The following EGFR variants were observed in gnomAD, a reference collection of about 807,000 sequenced individuals.
The protein encoded by EGFR is epidermal growth factor receptor.
A neutral mutation model predicts 143.0 loss-of-function variants in EGFR; 58 were observed. The ratio of observed to expected loss-of-function variants is 0.41; its 90% CI spans 0.33 to 0.50. The LOEUF is 0.50. Ranked by LOEUF, EGFR falls within the 20% of genes least tolerant of loss-of-function variation. The pLI, the probability that EGFR is intolerant of heterozygous loss-of-function variation, is 0.39. For synonymous variants in EGFR, 613 were observed against 594.4 expected (o/e 1.03, Z -0.45); for missense variants, 1,307 against 1,579.0 (o/e 0.83, Z 2.92).
At chr7:55,031,062 G>A (rs999849014) in intron 1 of EGFR, among the ~76,000 whole-genome samples, 2 of 152,142 alleles carry the variant, frequency 1.3e-5, no homozygotes, top group Non-Finnish European at 2.9e-5. Flanking sequence ...TCAGTACTCT[G>A]GCAGAAATTT....
intron 1 of EGFR, among the ~76,000 whole-genome samples, chr7:55,107,713 A>C (rs148160152): frequency 6.6e-6 from 1 of 152,356 alleles, no homozygotes; most frequent in East Asian, 1.9e-4. Context: ...GGACAGAACA[A>C]TATTTGCATT....
At chr7:55,048,520 G>A (rs946761321) in intron 1 of EGFR, among the ~76,000 whole-genome samples, 8 of 152,138 alleles carry the variant, frequency 5.3e-5, no homozygotes, top group East Asian at 1.9e-4. Context: ...TCTGCTTTTC[G>A]GTTAATAGAC....
chr7:55,151,893 CA>C lies in EGFR; in HGVS notation c.628+533del, dbSNP rs1281943763. Among the ~76,000 whole-genome samples the C allele has an allele frequency of 1.0e-3, 153 of 152,258 alleles. 3 individuals carry two copies. The Middle Eastern group carries it at 0.01, about 10-fold the overall frequency. ...CGTCTCAAAACAACAACAACAACAA[CA>C]ACAACAATAAGTGAACATCAGCAAG... On this transcript the variant is annotated intron_variant, in intron 5 of 27. Transcript: ENST00000275493.
At chr7:55,130,599 T>A (rs1490718200) in intron 1 of EGFR, among the ~76,000 whole-genome samples, 1 of 152,038 alleles carries the variant, frequency 6.6e-6, no homozygotes, top group African/African-American at 2.4e-5. Flanking sequence ...TTCAGTTGAG[T>A]AGGAAGTGAG....
rs79499564 is a variant in EGFR, at chr7:55,173,198, C to T, written c.2061+74C>T. 7,200 of 1,583,144 alleles carry T rather than the reference C, an allele frequency of 4.5e-3. 16 individuals carry two copies. The highest frequency in any genetic ancestry group is 5.7e-3 in the Non-Finnish European group (6,596 of 1,166,640). ...AACAAGGGCCAGCCCCGAGAACGGG[C>T]CATTAGCAGTTGTGTATGTTAGATA... On this transcript the variant is annotated intron_variant, in intron 17 of 27. Transcript: ENST00000275493.
chr7:55,151,172 C>A, intron 4 of EGFR, 122 bp from the exon 5 acceptor site: 1 of 995,130 alleles, frequency 1.0e-6, no homozygotes, highest in Non-Finnish European at 1.6e-6. Context: ...GCCAAACAAT[C>A]AGAGAATAAG....
intron 1 of EGFR, among the ~76,000 whole-genome samples, chr7:55,059,885 G>A (rs1350370015): frequency 6.6e-6 from 1 of 152,082 alleles, no homozygotes; most frequent in Non-Finnish European, 1.5e-5. Context: ...AGCAGATACT[G>A]GACATGTTCT....
chr7:55,172,305 C>T (rs776530473), intron 16 of EGFR, among the ~76,000 whole-genome samples: 5 of 152,232 alleles, frequency 3.3e-5, no homozygotes, highest in Non-Finnish European at 7.3e-5. Flanking sequence ...TGAGCTGGCA[C>T]ATGTGGCTTC....
chr7:55,093,789 A>G (rs1052501304), intron 1 of EGFR, among the ~76,000 whole-genome samples: 2 of 152,196 alleles, frequency 1.3e-5, no homozygotes, highest in Non-Finnish European at 2.9e-5. Context: ...CTAGTCTGTG[A>G]TCCGAGGTCT....
chr7:55,112,467 C>G (rs1173457923), intron 1 of EGFR, among the ~76,000 whole-genome samples: 2 of 152,234 alleles, frequency 1.3e-5, no homozygotes, highest in Non-Finnish European at 2.9e-5. Context: ...CACTTTCAAT[C>G]AAGAGTTTTC....
In EGFR at chr7:55,151,399, GCC is replaced by G. The variant is rs368505460; in HGVS notation, c.628+40_628+41del. The G allele has an allele frequency of 5.0e-4, 795 of 1,602,824 alleles. 6 individuals carry two copies. In the African/African-American group the frequency reaches 9.2e-3, roughly 19 times the overall value. ...AACAGCCTCAGACCCATGTGTGACC[GCC>G]CCTCTCTTCCTTCACTTGCTTAGGT... On this transcript the variant is annotated intron_variant, in intron 5 of 27. Coordinates refer to ENST00000275493, the MANE Select transcript of EGFR (RefSeq NM_005228.5).
intron 26 of EGFR, among the ~76,000 whole-genome samples, chr7:55,202,282 C>A (rs1228540417): frequency 6.6e-6 from 1 of 152,236 alleles, no homozygotes; most frequent in East Asian, 1.9e-4. Flanking sequence ...GAGCACCGCT[C>A]ATAGCACACC....
At chr7:55,072,866 T>C (rs1789915592) in intron 1 of EGFR, among the ~76,000 whole-genome samples, 1 of 152,240 alleles carries the variant, frequency 6.6e-6, no homozygotes, top group African/African-American at 2.4e-5. Context: ...TAAAATGCCA[T>C]ACACAAAGGA....
chr7:55,126,612 G>A (rs1238217720), intron 1 of EGFR, among the ~76,000 whole-genome samples: 1 of 152,142 alleles, frequency 6.6e-6, no homozygotes, highest in Non-Finnish European at 1.5e-5. Flanking sequence ...TACCAGTGAG[G>A]GGGAGAGAAA....
chr7:55,026,868 CAAA>C (rs113196161), intron 1 of EGFR, among the ~76,000 whole-genome samples: 6 of 135,038 alleles, frequency 4.4e-5, no homozygotes, highest in African/African-American at 8.1e-5. Context: ...CTTTAACTGC[CAAA>C]AAAAAAAAGG....
chr7:55,087,396 C>A (rs1467356309), intron 1 of EGFR, among the ~76,000 whole-genome samples: 1 of 151,470 alleles, frequency 6.6e-6, no homozygotes, highest in Non-Finnish European at 1.5e-5. Context: ...AATGCACATT[C>A]TCAGGCCCTG....
chr7:55,211,053 G>A lies in EGFR; in HGVS notation c.*5436G>A, dbSNP rs979668218. On this transcript the variant is annotated 3_prime_UTR_variant, in exon 28 of 28. Coordinates refer to ENST00000275493, the MANE Select transcript of EGFR (RefSeq NM_005228.5). ...TACCTGGGATAAAAACTATGTAGCA[G>A]GCAGTGTGTTTTCCTTCCATGTCTC... 6.6e-6 allele frequency: 1 copy of A among 152,186 alleles called. No homozygotes were observed. Among genetic ancestry groups the A allele is most frequent in the Non-Finnish European group, 1.5e-5 (1 of 68,036 alleles). The allele number at this position is 152,186 out of a possible 1,614,324, so 9.4% of individuals were successfully genotyped here. A position where few individuals can be genotyped will look rare whatever the true frequency, so the allele number is the denominator to read the frequency against.
At chr7:55,128,358 G>A (rs1418488928) in intron 1 of EGFR, among the ~76,000 whole-genome samples, 1 of 152,204 alleles carries the variant, frequency 6.6e-6, no homozygotes, top group African/African-American at 2.4e-5. Flanking sequence ...TACTGTCATG[G>A]CGGAGCAGCT....
intron 23 of EGFR, among the ~76,000 whole-genome samples, chr7:55,199,795 G>A (rs375299342): frequency 2.0e-5 from 3 of 152,326 alleles, no homozygotes; most frequent in South Asian, 2.1e-4. Context: ...TCACTTGCAT[G>A]CATGCCCACC....
Sources: gnomAD v4.1 joint callset for allele counts (sites outside exome capture counted in the v4.1 genomes callset) on GRCh38, gnomAD v4.1.1 for gene constraint, MANE v1.5 for transcripts, NCBI Gene and HGNC (gene_info 2026-07-23, HGNC 2026-07-21) for gene names.